The following ACTN1 variants were observed in gnomAD, a reference collection of about 807,000 sequenced individuals.
ACTN1 encodes actinin alpha 1.
ACTN1 carries 30 observed loss-of-function variants against 119.6 expected under a neutral mutation model. The observed-to-expected ratio is 0.25, with a 90% CI of 0.19 to 0.34. The LOEUF is 0.34. Ranked by LOEUF, ACTN1 falls within the 10% of genes least tolerant of loss-of-function variation. The pLI is 1.00. For missense variants in ACTN1, 764 were observed against 1,223.4 expected, an observed-to-expected ratio of 0.62 and a Z score of 5.60; for synonymous variants, 429 against 472.6, an observed-to-expected ratio of 0.91 and a Z score of 1.20.
intron 3 of ACTN1, among the ~76,000 whole-genome samples, chr14:68,917,091 T>C (rs2034339743): frequency 6.6e-6 from 1 of 152,172 alleles, no homozygotes; most frequent in Non-Finnish European, 1.5e-5. Flanking sequence ...AAAATCCTTT[T>C]TGAGTTCTCT....
At chr14:68,886,988 A>G (rs1379538107) in intron 11 of ACTN1, 3 of 152,306 alleles carry the variant, frequency 2.0e-5, no homozygotes, top group Non-Finnish European at 4.4e-5. Context: ...TTTGTATTTT[A>G]ATAATTGAGA....
In ACTN1 at chr14:68,885,358, C is replaced by T; in HGVS notation, c.1385+67G>A. The T allele has an allele frequency of 1.3e-6, 2 of 1,535,202 alleles. No individual in the cohort carries two copies. Among genetic ancestry groups the T allele is most frequent in the Admixed American group, 1.9e-5 (1 of 53,064 alleles). On this transcript the variant is annotated intron_variant, in intron 12 of 21. Coordinates refer to ENST00000394419, the MANE Select transcript of ACTN1 (RefSeq NM_001130004.2). This position sits in a 1 kb window ranked among gnomAD's most constrained non-coding sequence, Gnocchi z 5.6. The stretch of plus-strand genomic sequence containing the variant: ...TCTTCCACGGCCACACCCCCACCTC[C>T]CCCAGCAGCTGAGAAAGCCCAGCCT...
chr14:68,937,805 C>T (rs543372417), intron 1 of ACTN1, among the ~76,000 whole-genome samples: 1 of 152,246 alleles, frequency 6.6e-6, no homozygotes, highest in African/African-American at 2.4e-5. Context: ...CACCAGCCTC[C>T]CCAGGCAAGC....
chr14:68,970,390 G>A (rs185235859), intron 1 of ACTN1, among the ~76,000 whole-genome samples: 82 of 152,272 alleles, frequency 5.4e-4, no homozygotes, highest in African/African-American at 1.9e-3. Context: ...TTTCTAAATC[G>A]TCTCAAGGCT....
intron 1 of ACTN1, among the ~76,000 whole-genome samples, chr14:68,970,200 C>G (rs72733553): frequency 0.14 from 20,985 of 151,824 alleles, 1,632 homozygotes; most frequent in Admixed American, 0.23. Flanking sequence ...TTCCCCCAGC[C>G]GACTGCTCTT....
At chr14:68,945,174 AAAAGAAAG>A (rs113626109) in intron 1 of ACTN1, among the ~76,000 whole-genome samples, 4 of 150,664 alleles carry the variant, frequency 2.7e-5, no homozygotes, top group African/African-American at 7.4e-5. Flanking sequence ...AAAAAAAAAA[AAAAGAAAG>A]AAAGAAAGAA....
chr14:68,934,653 C>G (rs1359795793), intron 1 of ACTN1, among the ~76,000 whole-genome samples: 1 of 152,154 alleles, frequency 6.6e-6, no homozygotes, highest in Non-Finnish European at 1.5e-5. Context: ...TGTAAGCATA[C>G]AAATGTTCTT....
chr14:68,952,649 G>A (rs978577339), intron 1 of ACTN1, among the ~76,000 whole-genome samples: 1 of 148,478 alleles, frequency 6.7e-6, no homozygotes, highest in Non-Finnish European at 1.5e-5. Context: ...CTTTTCTGAA[G>A]GCACAGGCTT....
chr14:68,962,894 G>C (rs1401388790), intron 1 of ACTN1, among the ~76,000 whole-genome samples: 3 of 152,170 alleles, frequency 2.0e-5, no homozygotes, highest in Non-Finnish European at 2.9e-5. Flanking sequence ...GCCACGCACT[G>C]AGCAGGTCTC....
In ACTN1 at chr14:68,936,653, G is replaced by A. The variant is rs1020735170; in HGVS notation, c.106-10981C>T. The A allele has an allele frequency of 3.1e-4, 190 of 622,096 alleles. 1 individual carries two copies. In the Admixed American group the frequency reaches 3.8e-3, roughly 12 times the overall value. The allele number at this position is 622,096 out of a possible 1,614,324, so 38.5% of individuals were successfully genotyped here. On this transcript the variant is annotated intron_variant, in intron 1 of 21. Coordinates refer to ENST00000394419, the MANE Select transcript of ACTN1 (RefSeq NM_001130004.2). ...GTTCGTGGCAGAGCCCATGGGGGAAGAGCCAGTGGGGAGCCTGGCCGGGTG... is the reference window on the plus strand; with the variant it reads ...GTTCGTGGCAGAGCCCATGGGGGAAAAGCCAGTGGGGAGCCTGGCCGGGTG...
chr14:68,954,487 C>T (rs969512245), intron 1 of ACTN1, among the ~76,000 whole-genome samples: 25 of 152,100 alleles, frequency 1.6e-4, no homozygotes, highest in African/African-American at 5.6e-4. Flanking sequence ...GCCACCGAAC[C>T]GAGCTAATTT....
In ACTN1 at chr14:68,884,303, G is replaced by C. The variant is rs755239219; in HGVS notation, c.1500C>G (p.Thr500=). ...TQKRREALER[T]EKLLETIDQL... ...GGTCAATGGTCTCCAGCAGTTTCTC[G>C]GTCCGCTGGGAGTGCCAAATAGGGT... Residue 500 remains threonine (T), a synonymous_variant, in exon 14 of 22, where the codon ACC becomes ACG. Transcript: ENST00000394419. The C allele has an allele frequency of 1.2e-6, 2 of 1,613,812 alleles. No homozygotes were observed. The highest frequency in any genetic ancestry group is 1.7e-6 in the Non-Finnish European group (2 of 1,179,894).
At chr14:68,975,667 T>G (rs1594891613) in intron 1 of ACTN1, among the ~76,000 whole-genome samples, 2 of 152,264 alleles carry the variant, frequency 1.3e-5, no homozygotes, top group South Asian at 4.2e-4. Context: ...AAAAGTGACT[T>G]CAGAGCCCAG....
chr14:68,919,004 G>A (rs2034495329), intron 3 of ACTN1, among the ~76,000 whole-genome samples: 1 of 152,188 alleles, frequency 6.6e-6, no homozygotes, highest in Non-Finnish European at 1.5e-5. Context: ...GCAGGAGATG[G>A]CCCACGTAAA....
chr14:68,969,335 AG>A (rs1566681358), intron 1 of ACTN1, among the ~76,000 whole-genome samples: 1 of 152,218 alleles, frequency 6.6e-6, no homozygotes. Context: ...ACAGGAAACC[AG>A]GGGTCTGGCC....
At chr14:68,919,361 T>A (rs2034516514) in intron 3 of ACTN1, among the ~76,000 whole-genome samples, 1 of 152,202 alleles carries the variant, frequency 6.6e-6, no homozygotes, top group Non-Finnish European at 1.5e-5. Flanking sequence ...CCCAGGGGCA[T>A]CCGAGCCTGC....
At chr14:68,919,962 AAG>A (rs964129273) in intron 3 of ACTN1, among the ~76,000 whole-genome samples, 2 of 152,184 alleles carry the variant, frequency 1.3e-5, no homozygotes, top group African/African-American at 4.8e-5. Context: ...CCATTTCTAG[AAG>A]AGAGGGGACT....
chr14:68,945,281 AG>A (rs2140509127), intron 1 of ACTN1, among the ~76,000 whole-genome samples: 1 of 151,528 alleles, frequency 6.6e-6, no homozygotes, highest in African/African-American at 2.4e-5. Context: ...AAAAAAAAAA[AG>A]TCACAGTGCA....
intron 16 of ACTN1, among the ~76,000 whole-genome samples, chr14:68,881,887 A>C (rs2031542355): frequency 6.7e-6 from 1 of 149,316 alleles, no homozygotes; most frequent in African/African-American, 2.5e-5. Flanking sequence ...ATTAAGCTGG[A>C]TCGGGCGCTC....
Sources: allele counts gnomAD v4.1 joint callset (sites outside exome capture counted in the v4.1 genomes callset), GRCh38; gene constraint gnomAD v4.1.1; non-coding constraint Gnocchi (gnomAD v3.1); transcripts MANE v1.5; gene names NCBI Gene and HGNC (gene_info 2026-07-23, HGNC 2026-07-21).